Variants in CD5 observed in about 807,000 individuals in gnomAD.
CD5 encodes T-cell surface glycoprotein CD5.
In CD5, 36 loss-of-function variants were observed where a neutral mutation model predicts 60.3. The observed-to-expected ratio is 0.60, with a 90% CI of 0.46 to 0.79. The LOEUF is 0.79. Among genes scored for constraint, CD5 ranks in the 30% least tolerant of loss-of-function variants. The pLI is 0.00. For synonymous variants in CD5, 230 were observed against 257.6 expected (o/e 0.89, Z 1.03); for missense variants, 540 against 630.6 (o/e 0.86, Z 1.54).
At chr11:61,113,199 G>T (rs978372617) in intron 1 of CD5, among the ~76,000 whole-genome samples, 3 of 152,194 alleles carry the variant, frequency 2.0e-5, no homozygotes, top group African/African-American at 4.8e-5. Flanking sequence ...AACCCAAGTC[G>T]GACAGATGGA....
chr11:61,125,818 G>A lies in CD5; in HGVS notation c.1467G>A (p.Leu489=). The change falls in exon 10 of 11, where the codon CTG becomes CTA. Residue 489 remains leucine (L), a synonymous_variant. Transcript: ENST00000347785. ...ACTCCTCCGACAGTGACTATGATCT[G>A]CATGGGGCTCAGAGGCTGTAAAGGT... The part of the protein sequence containing the change: ...PDNSSDSDYD[L]HGAQRL The A allele has an allele frequency of 2.5e-6, 4 of 1,611,356 alleles. No individual in the cohort carries two copies. Among genetic ancestry groups the A allele is most frequent in the Non-Finnish European group, 3.4e-6 (4 of 1,178,392 alleles).
At chr11:61,101,476 C>T (rs1860685676), upstream of CD5, among the ~76,000 whole-genome samples, 1 of 148,800 alleles carries the variant, frequency 6.7e-6, no homozygotes, top group African/African-American at 2.5e-5. Context: ...ATCACACACA[C>T]ATATATCAAA....
the CD5 span, among the ~76,000 whole-genome samples, chr11:61,096,341 A>G: frequency 6.6e-6 from 1 of 152,248 alleles, no homozygotes; most frequent in Non-Finnish European, 1.5e-5. Context: ...ACTGAAGGGG[A>G]CCGGGCGCAA....
chr11:61,100,557 C>CACACACACATCAACATGGAGATT (rs1410490492), upstream of CD5, among the ~76,000 whole-genome samples: 1,520 of 115,892 alleles, frequency 0.013, 537 homozygotes, highest in African/African-American at 0.024. Flanking sequence ...ATGGAGATCA[C>CACACACACATCAACATGGAGATT]ACACACACAT....
At chr11:61,104,502 A>G (rs931171500) in intron 1 of CD5, among the ~76,000 whole-genome samples, 2 of 152,144 alleles carry the variant, frequency 1.3e-5, no homozygotes, top group African/African-American at 2.4e-5. Flanking sequence ...GGCCCTCCCA[A>G]CTGAATCCCA....
Position 61,125,813 on chromosome 11 carries a change from G to C in CD5, c.1462G>C (p.Asp488His), listed in dbSNP as rs1861141803. The C allele has an allele frequency of 6.2e-7, 1 of 1,612,212 alleles. No individual in the cohort carries two copies. The highest frequency in any genetic ancestry group is 1.1e-5 in the South Asian group (1 of 90,864). Residue 488 changes from aspartate to histidine, a missense_variant, in exon 10 of 11, where the codon GAT becomes CAT. Transcript: ENST00000347785. ...QPDNSSDSDYDLHGAQRL is the reference protein window; with the variant it reads ...QPDNSSDSDYHLHGAQRL ...TGACAACTCCTCCGACAGTGACTAT[G>C]ATCTGCATGGGGCTCAGAGGCTGTA...
At chr11:61,112,012 G>C (rs1239043260) in intron 1 of CD5, among the ~76,000 whole-genome samples, 1 of 152,220 alleles carries the variant, frequency 6.6e-6, no homozygotes, top group Non-Finnish European at 1.5e-5. Flanking sequence ...TCTATAGGCA[G>C]GAAGTGGCAG....
Position 61,119,265 on chromosome 11 carries a change from T to C in CD5, c.495T>C (p.Ser165=). The C allele has an allele frequency of 1.9e-6, 3 of 1,611,220 alleles. No homozygotes were observed. Among genetic ancestry groups the C allele is most frequent in the Non-Finnish European group, 2.5e-6 (3 of 1,178,588 alleles). ...APPRLQLVAQ[S]GGQHCAGVVE... is the part of the protein sequence containing the mutation. ...CCAGGCTGCAGCTGGTGGCACAGTC[T>C]GGCGGCCAGCACTGTGCCGGCGTGG... is the stretch of plus-strand genomic sequence containing the variant. Residue 165 remains serine (S), a synonymous_variant, in exon 5 of 11, where the codon TCT becomes TCC. Coordinates refer to ENST00000347785, the MANE Select transcript of CD5 (RefSeq NM_014207.4).
intron 10 of CD5, 125 bp downstream of exon 10, chr11:61,125,966 A>T: frequency 2.0e-6 from 1 of 489,842 alleles, no homozygotes; most frequent in Non-Finnish European, 3.6e-6. Flanking sequence ...GACCCCCAGC[A>T]TCTTGATTCT....
intron 5 of CD5, among the ~76,000 whole-genome samples, chr11:61,119,960 G>A (rs1361990185): frequency 6.6e-6 from 1 of 152,162 alleles, no homozygotes; most frequent in Non-Finnish European, 1.5e-5. Flanking sequence ...GGTGGGCCTT[G>A]CAGGAAGGGC....
chr11:61,116,742 C>T (rs1436126902), intron 2 of CD5, among the ~76,000 whole-genome samples: 2 of 133,052 alleles, frequency 1.5e-5, no homozygotes, highest in Non-Finnish European at 3.2e-5. Flanking sequence ...ACACACACCA[C>T]ATACACCACA....
At position 61,119,372 on chromosome 11, in the gene CD5, G is replaced by C. The variant is rs368710231; in HGVS notation, c.602G>C (p.Cys201Ser). 6.2e-7 allele frequency: 1 copy of C among 1,614,222 alleles called. No homozygotes were observed. The highest frequency in any genetic ancestry group is 2.2e-5 in the East Asian group (1 of 44,888). Residue 201 changes from cysteine to serine, a missense_variant, in exon 5 of 11, where the codon TGC becomes TCC. Coordinates refer to ENST00000347785, the MANE Select transcript of CD5 (RefSeq NM_014207.4). ...DKTQDLENFL[C>S]NNLQCGSFLK... ...ACCCAGGACCTGGAGAACTTCCTCTGCAACAACCTCCAGTGTGGCTCCTTC... is the reference window on the plus strand; with the variant it reads ...ACCCAGGACCTGGAGAACTTCCTCTCCAACAACCTCCAGTGTGGCTCCTTC...
Position 61,118,041 on chromosome 11 carries a change from GC to G in CD5, c.95-133del. The G allele has an allele frequency of 1.1e-6, 1 of 905,334 alleles. No individual in the cohort carries two copies. The highest frequency in any genetic ancestry group is 1.7e-6 in the Non-Finnish European group (1 of 594,132). 56.1% of individuals were successfully genotyped at this position (905,334 alleles called of 1,614,324 possible). A position where few individuals can be genotyped will look rare whatever the true frequency, so the allele number is the denominator to read the frequency against. ...CCTGCAGTGCCCCAGAAGGGACGAAGCTCACAAGGGGCAAGGCAGGCAGCCC... is the reference window on the plus strand; with the variant it reads ...CCTGCAGTGCCCCAGAAGGGACGAAGTCACAAGGGGCAAGGCAGGCAGCCC... On this transcript the variant is annotated intron_variant, in intron 2 of 10. Transcript: ENST00000347785. This position sits in a 1 kb window ranked among gnomAD's most constrained non-coding sequence, Gnocchi z 4.7.
At position 61,118,912 on chromosome 11, in the gene CD5, C is replaced by T. The variant is rs1466345394; in HGVS notation, c.401-3C>T. 2 of 1,613,188 alleles carry T rather than the reference C, an allele frequency of 1.2e-6. No homozygotes were observed. The highest frequency in any genetic ancestry group is 3.3e-5 in the Admixed American group (2 of 60,000). On this transcript the variant is annotated splice_polypyrimidine_tract_variant and splice_region_variant and intron_variant, in intron 3 of 10. Transcript: ENST00000347785. The surrounding 1 kb of genome is among the most constrained non-coding windows in gnomAD (Gnocchi z 4.7). Reference sequence around the variant, plus strand: ...CCTCCCTCACCAGAGTGTCTCATTGCAGAACCCCAGAAGACAACACCTCCA... The same window carrying T: ...CCTCCCTCACCAGAGTGTCTCATTGTAGAACCCCAGAAGACAACACCTCCA...
At chr11:61,100,609 CACA>C (rs1860659054), upstream of CD5, among the ~76,000 whole-genome samples, 1 of 86,588 alleles carries the variant, frequency 1.2e-5, no homozygotes, top group Non-Finnish European at 2.1e-5. Context: ...AGATCACACA[CACA>C]ACATGGAGAT....
upstream of CD5, among the ~76,000 whole-genome samples, chr11:61,099,765 A>G (rs966343976): frequency 2.0e-5 from 3 of 151,276 alleles, no homozygotes; most frequent in Non-Finnish European, 4.4e-5. Context: ...CACATTCACA[A>G]CACAAACATG....
upstream of CD5, among the ~76,000 whole-genome samples, chr11:61,098,102 G>T (rs1001682823): frequency 2.0e-5 from 3 of 152,176 alleles, no homozygotes; most frequent in Admixed American, 1.3e-4. Context: ...TGCAAGTGTG[G>T]CATGAATTTG....
At chr11:61,103,719 G>A (rs1860735593) in intron 1 of CD5, among the ~76,000 whole-genome samples, 2 of 149,856 alleles carry the variant, frequency 1.3e-5, no homozygotes, top group African/African-American at 4.9e-5. Context: ...ACTGTGTGTA[G>A]GGGAATGTGT....
At chr11:61,116,691 C>T (rs539535054) in intron 2 of CD5, among the ~76,000 whole-genome samples, 131 of 128,520 alleles carry the variant, frequency 1.0e-3, no homozygotes, top group African/African-American at 3.7e-3. Flanking sequence ...ACACACACCA[C>T]ATACACACCA....
Sources: gnomAD v4.1 joint callset for allele counts (sites outside exome capture counted in the v4.1 genomes callset) on GRCh38, gnomAD v4.1.1 for gene constraint, Gnocchi (gnomAD v3.1) non-coding constraint, MANE v1.5 for transcripts, NCBI Gene and HGNC (gene_info 2026-07-23, HGNC 2026-07-21) for gene names.